CLSTN2: variants seen among roughly 807,000 people sequenced by gnomAD.
The protein encoded by CLSTN2 is calsyntenin 2.
A neutral mutation model predicts 101.2 loss-of-function variants in CLSTN2; 48 were observed. The observed-to-expected ratio is 0.47, with a 90% CI of 0.38 to 0.60. CLSTN2 has a LOEUF of 0.60. Ranked by LOEUF, CLSTN2 falls within the 20% of genes least tolerant of loss-of-function variation. The pLI, the probability that CLSTN2 is intolerant of heterozygous loss-of-function variation, is 0.00. For synonymous variants in CLSTN2, 481 were observed against 463.6 expected (o/e 1.04, Z -0.48); for missense variants, 1,160 against 1,238.2 (o/e 0.94, Z 0.95).
rs750088450 is a variant in CLSTN2 at position 140,311,287 on chromosome 3, C to CTTTTTTTTTTTT, written c.233-92317_233-92306dup. Among the ~76,000 whole-genome samples, 12 of 52,080 alleles carry CTTTTTTTTTTTT rather than the reference C, an allele frequency of 2.3e-4. 3 individuals are homozygous for CTTTTTTTTTTTT. Among genetic ancestry groups the CTTTTTTTTTTTT allele is most frequent in the South Asian group, 8.8e-4 (1 of 1,142 alleles). 34.2% of individuals were successfully genotyped at this position (52,080 alleles called of 152,430 possible). A position where few individuals can be genotyped will look rare whatever the true frequency, so the allele number is the denominator to read the frequency against. On this transcript the variant is annotated intron_variant, in intron 2 of 16. Transcript: ENST00000458420. The stretch of plus-strand genomic sequence containing the variant: ...ATAATAACAGCTAAGGTTTATTATC[C>CTTTTTTTTTTTT]TTTTTTTTTTTTTTTTTTTTTTTTT...
intron 1 of CLSTN2, among the ~76,000 whole-genome samples, chr3:139,943,520 C>T (rs1935168747): frequency 6.6e-6 from 1 of 152,212 alleles, no homozygotes. Context: ...CCCTCCCTCA[C>T]AGGTTATTAC....
At chr3:140,487,009 G>A (rs1243222602) in intron 8 of CLSTN2, among the ~76,000 whole-genome samples, 2 of 152,200 alleles carry the variant, frequency 1.3e-5, no homozygotes, top group East Asian at 1.9e-4. Context: ...ACACAATAGT[G>A]TCAGCCTTGC....
chr3:140,488,266 G>A (rs920758113), intron 8 of CLSTN2, among the ~76,000 whole-genome samples: 3 of 152,122 alleles, frequency 2.0e-5, no homozygotes, highest in African/African-American at 2.4e-5. Flanking sequence ...ATATTTCAGG[G>A]ACAAATGTTC....
intron 1 of CLSTN2, among the ~76,000 whole-genome samples, chr3:140,171,610 TTATA>T (rs1246087496): frequency 7.4e-6 from 1 of 135,652 alleles, no homozygotes; most frequent in African/African-American, 2.8e-5. Context: ...ATAATGTGCA[TTATA>T]TATTATATAA....
chr3:140,440,673 T>A (rs979618466), intron 5 of CLSTN2, among the ~76,000 whole-genome samples: 5 of 152,194 alleles, frequency 3.3e-5, no homozygotes, highest in Admixed American at 1.3e-4. Context: ...TTGCTCACAG[T>A]ACACAATACC....
intron 1 of CLSTN2, among the ~76,000 whole-genome samples, chr3:140,080,427 A>G (rs1254955292): frequency 8.9e-4 from 135 of 152,352 alleles, no homozygotes; most frequent in Non-Finnish European, 1.2e-4. Context: ...GTTTGAAGAC[A>G]GCATCTAGGT....
intron 2 of CLSTN2, among the ~76,000 whole-genome samples, chr3:140,241,021 A>G (rs2086462573): frequency 6.6e-6 from 1 of 152,202 alleles, no homozygotes; most frequent in Admixed American, 6.5e-5. Context: ...TGACAAGGTG[A>G]CAGACATGGA....
At chr3:139,982,231 A>G (rs961925524) in intron 1 of CLSTN2, among the ~76,000 whole-genome samples, 6 of 152,140 alleles carry the variant, frequency 3.9e-5, no homozygotes, top group African/African-American at 1.4e-4. Flanking sequence ...TATTATTAAT[A>G]TAATTTTATA....
At chr3:140,526,974 T>C (rs1327397197) in intron 8 of CLSTN2, among the ~76,000 whole-genome samples, 2 of 152,104 alleles carry the variant, frequency 1.3e-5, no homozygotes, top group African/African-American at 2.4e-5. Flanking sequence ...ACCCCAATTA[T>C]AAAAATCCTA....
chr3:140,248,856 T>C (rs1197138892), intron 2 of CLSTN2, among the ~76,000 whole-genome samples: 1 of 152,208 alleles, frequency 6.6e-6, no homozygotes, highest in African/African-American at 2.4e-5. Flanking sequence ...ATTCTCCCAC[T>C]AAGTAACTAT....
chr3:140,295,592 C>T (rs2086995081), intron 2 of CLSTN2, among the ~76,000 whole-genome samples: 1 of 152,056 alleles, frequency 6.6e-6, no homozygotes, highest in Non-Finnish European at 1.5e-5. Flanking sequence ...TACACAACTG[C>T]CCCAAGTTTT....
chr3:140,380,906 G>A (rs545398738), intron 2 of CLSTN2, among the ~76,000 whole-genome samples: 89 of 152,328 alleles, frequency 5.8e-4, no homozygotes, highest in South Asian at 5.2e-3. Flanking sequence ...TGTGGGCCTG[G>A]TAGCTCAGAA....
chr3:140,355,718 C>A (rs977040631), intron 2 of CLSTN2, among the ~76,000 whole-genome samples: 1 of 152,164 alleles, frequency 6.6e-6, no homozygotes, highest in African/African-American at 2.4e-5. Context: ...ACCTCGCATT[C>A]CCAGGAGCAA....
chr3:140,360,975 T>C (rs2087724626), intron 2 of CLSTN2, among the ~76,000 whole-genome samples: 1 of 152,148 alleles, frequency 6.6e-6, no homozygotes, highest in African/African-American at 2.4e-5. Flanking sequence ...TTTCAGGAAA[T>C]AGAGGAGGAA....
intron 1 of CLSTN2, among the ~76,000 whole-genome samples, chr3:140,102,245 C>T (rs72984155): frequency 0.034 from 5,161 of 152,240 alleles, 239 homozygotes; most frequent in African/African-American, 0.11. Flanking sequence ...GACATGTTCT[C>T]GAAGACGGAG....
chr3:140,321,319 A>T (rs1489658275), intron 2 of CLSTN2, among the ~76,000 whole-genome samples: 1 of 152,096 alleles, frequency 6.6e-6, no homozygotes, highest in Admixed American at 6.6e-5. Flanking sequence ...GTCCTCACTG[A>T]CACACCTTCA....
At chr3:140,496,486 A>T (rs1485300556) in intron 8 of CLSTN2, among the ~76,000 whole-genome samples, 1 of 152,176 alleles carries the variant, frequency 6.6e-6, no homozygotes, top group Non-Finnish European at 1.5e-5. Context: ...CCTGGGCCAA[A>T]CTTCCAATAC....
intron 6 of CLSTN2, among the ~76,000 whole-genome samples, 193 bp from the exon 7 acceptor site, chr3:140,459,328 C>T (rs1933497167): frequency 6.6e-6 from 1 of 152,204 alleles, no homozygotes; most frequent in Non-Finnish European, 1.5e-5. Flanking sequence ...ACTGATGCCT[C>T]CCCAAGAAAA....
rs111672421 is a variant in CLSTN2 at position 139,957,955 on chromosome 3, T to C, written c.109+22472T>C. 2.8e-3 allele frequency among the ~76,000 whole-genome samples: 434 copies of C among 152,312 alleles called. 1 individual carries two copies. Among genetic ancestry groups the C allele is most frequent in the African/African-American group, 0.01 (422 of 41,554 alleles). ...ACTCATCAAAGGCAAGCACTTGTCC[T>C]TGTTTTTCTGATTCTCTTTTCCTGC... is the stretch of plus-strand genomic sequence containing the variant. On this transcript the variant is annotated intron_variant, in intron 1 of 16. Coordinates refer to ENST00000458420, the MANE Select transcript of CLSTN2 (RefSeq NM_022131.3).
Sources: gnomAD v4.1 joint callset for allele counts (sites outside exome capture counted in the v4.1 genomes callset) on GRCh38, gnomAD v4.1.1 for gene constraint, MANE v1.5 for transcripts, NCBI Gene and HGNC (gene_info 2026-07-23, HGNC 2026-07-21) for gene names.